The following RBFOX1 variants were observed in gnomAD, a reference collection of about 807,000 sequenced individuals.
RBFOX1 encodes the protein RNA binding fox-1 homolog 1.
RBFOX1 carries 8 observed loss-of-function variants against 57.7 expected under a neutral mutation model. That is an observed-to-expected ratio of 0.14 (90% CI 0.08 to 0.25). The LOEUF is 0.25. RBFOX1 is among the 10% of genes least tolerant of loss of function. The probability of loss-of-function intolerance (pLI) is 1.00; values close to 1 mark genes in which losing one functional copy is unlikely to be tolerated. For missense variants in RBFOX1, 611 were observed against 548.5 expected (o/e 1.11, Z -1.14); for synonymous variants, 326 against 222.4 (o/e 1.47, Z -4.15).
intron 1 of RBFOX1, among the ~76,000 whole-genome samples, chr16:6,284,851 C>G (rs1316045874): frequency 6.6e-6 from 1 of 152,116 alleles, no homozygotes; most frequent in African/African-American, 2.4e-5. Context: ...GCATGGAGAA[C>G]ACATTGTTCT....
At chr16:6,076,862 A>T (rs57885562) in intron 1 of RBFOX1, among the ~76,000 whole-genome samples, 11,377 of 152,180 alleles carry the variant, frequency 0.075, 541 homozygotes, top group East Asian at 0.19. Context: ...AACAGTTGGC[A>T]CTCAGTGAGT....
At chr16:5,714,320 C>T (rs1005243424) in intron 3 of RBFOX1, among the ~76,000 whole-genome samples, 2 of 152,186 alleles carry the variant, frequency 1.3e-5, no homozygotes, top group African/African-American at 4.8e-5. Context: ...TCAAGAGGCT[C>T]TGCCTGTCTT....
intron 3 of RBFOX1, among the ~76,000 whole-genome samples, chr16:6,914,314 G>C (rs779387289): frequency 6.6e-6 from 1 of 152,180 alleles, no homozygotes; most frequent in African/African-American, 2.4e-5. Flanking sequence ...AGGGACCTTA[G>C]TGATATATCT....
chr16:6,053,999 TG>T (rs1424186462), intron 1 of RBFOX1, among the ~76,000 whole-genome samples: 1 of 152,032 alleles, frequency 6.6e-6, no homozygotes, highest in East Asian at 1.9e-4. Context: ...GAGGTTACAG[TG>T]TTGGTGCCAC....
chr16:7,594,357 G>A (rs896153868), intron 7 of RBFOX1, among the ~76,000 whole-genome samples: 8 of 152,162 alleles, frequency 5.3e-5, no homozygotes, highest in African/African-American at 1.4e-4. Flanking sequence ...GATGCTAAGA[G>A]GAGCCCCAAC....
chr16:6,909,233 C>T (rs2070901863), intron 3 of RBFOX1, among the ~76,000 whole-genome samples: 1 of 152,196 alleles, frequency 6.6e-6, no homozygotes, highest in Admixed American at 6.5e-5. Flanking sequence ...ACCCAGATTA[C>T]ATGGCTCATG....
chr16:5,286,167 C>T lies in RBFOX1; in HGVS notation c.219+46062C>T, dbSNP rs559401266. Among the ~76,000 whole-genome samples, 4 of 152,208 alleles carry T rather than the reference C, an allele frequency of 2.6e-5. No individual in the cohort carries two copies. The East Asian group carries it at 5.8e-4, about 22-fold the overall frequency. On this transcript the variant is annotated intron_variant, in intron 1 of 2. Coordinates refer to the RBFOX1 transcript ENST00000585867. ...GGCATCATTGGTAGTGGTGGTGGAC[C>T]AGGTGTGTCAATACTAGGGACCATG...
intron 1 of RBFOX1, among the ~76,000 whole-genome samples, chr16:5,384,562 C>G (rs921055021): frequency 4.6e-5 from 7 of 152,038 alleles, no homozygotes; most frequent in Admixed American, 2.6e-4. Flanking sequence ...TATTAAGAGC[C>G]TAGAAACAGA....
At chr16:6,496,586 G>A (rs1383924231) in intron 2 of RBFOX1, among the ~76,000 whole-genome samples, 4 of 152,202 alleles carry the variant, frequency 2.6e-5, no homozygotes, top group South Asian at 2.1e-4. Context: ...GCCCCTCGTC[G>A]AACTGGGCTC....
At chr16:5,673,245 C>A (rs1013267404) in intron 3 of RBFOX1, among the ~76,000 whole-genome samples, 2 of 152,002 alleles carry the variant, frequency 1.3e-5, no homozygotes, top group Non-Finnish European at 2.9e-5. Context: ...AAGGACGGAG[C>A]CAGTCAACAA....
At chr16:7,451,481 A>G (rs1006268216) in intron 4 of RBFOX1, among the ~76,000 whole-genome samples, 6 of 152,174 alleles carry the variant, frequency 3.9e-5, no homozygotes, top group African/African-American at 1.4e-4. Context: ...CCGTAATGCA[A>G]GCCCACTGCA....
At chr16:5,434,949 C>T (rs892119619) in intron 1 of RBFOX1, among the ~76,000 whole-genome samples, 1 of 152,218 alleles carries the variant, frequency 6.6e-6, no homozygotes, top group African/African-American at 2.4e-5. Flanking sequence ...CCATCTCTTT[C>T]CTCCTGCTAT....
chr16:7,223,712 G>GAAAAAAAAAAAAAAA (rs71147673), intron 4 of RBFOX1, among the ~76,000 whole-genome samples: 2 of 130,458 alleles, frequency 1.5e-5, no homozygotes, highest in Non-Finnish European at 3.3e-5. Flanking sequence ...CAGTGTTTCA[G>GAAAAAAAAAAAAAAA]AAAAAAAAAA....
intron 3 of RBFOX1, among the ~76,000 whole-genome samples, chr16:5,654,735 T>C (rs1489238515): frequency 6.6e-6 from 1 of 152,192 alleles, no homozygotes; most frequent in Non-Finnish European, 1.5e-5. Flanking sequence ...CTCCTCCTCC[T>C]GCAGCCTTTG....
At chr16:7,190,704 A>G (rs2085156592) in intron 4 of RBFOX1, among the ~76,000 whole-genome samples, 1 of 148,234 alleles carries the variant, frequency 6.7e-6, no homozygotes, top group African/African-American at 2.5e-5. Context: ...CCATCAACAA[A>G]CAGATCCACT....
At chr16:6,881,912 T>C (rs12929126) in intron 3 of RBFOX1, among the ~76,000 whole-genome samples, 38,355 of 151,964 alleles carry the variant, frequency 0.25, 5,050 homozygotes, top group African/African-American at 0.32. Flanking sequence ...TAGCAGGATT[T>C]AGATGTAGGC....
intron 1 of RBFOX1, among the ~76,000 whole-genome samples, chr16:5,360,931 T>G (rs912867810): frequency 6.6e-6 from 1 of 152,116 alleles, no homozygotes; most frequent in Non-Finnish European, 1.5e-5. Flanking sequence ...GGGAGAAGCC[T>G]CCAGTGCCCA....
rs185241383 is a variant in RBFOX1, at chr16:7,261,970, A to T, written c.27+209872A>T. Among the ~76,000 whole-genome samples the T allele has an allele frequency of 1.6e-3, 249 of 152,304 alleles. 1 individual carries two copies. Among genetic ancestry groups the T allele is most frequent in the Non-Finnish European group, 1.9e-3 (131 of 68,028 alleles). ...AAGGGGTGGTAGGGTGGCTGTTGTT[A>T]AATCATCCTAACTTTTTGTCTTTTC... is the stretch of plus-strand genomic sequence containing the variant. On this transcript the variant is annotated intron_variant, in intron 4 of 15. Coordinates refer to ENST00000550418, the MANE Select transcript of RBFOX1 (RefSeq NM_018723.4).
intron 3 of RBFOX1, among the ~76,000 whole-genome samples, chr16:6,920,322 C>T (rs2074187446): frequency 6.6e-6 from 1 of 152,136 alleles, no homozygotes; most frequent in Non-Finnish European, 1.5e-5. Context: ...AACGGTAGTT[C>T]TGCTCTTAAT....
Sources: allele counts gnomAD v4.1 joint callset (sites outside exome capture counted in the v4.1 genomes callset), GRCh38; gene constraint gnomAD v4.1.1; transcripts MANE v1.5; gene names NCBI Gene and HGNC (gene_info 2026-07-23, HGNC 2026-07-21).